The following DTWD2 variants were observed in gnomAD, a reference collection of about 807,000 sequenced individuals.
DTWD2 encodes the protein DTW motif tRNA-uridine aminocarboxypropyltransferase 2, also known as tRNA-uridine aminocarboxypropyltransferase 2.
DTWD2 carries 39 observed loss-of-function variants against 31.8 expected under a neutral mutation model. That is an observed-to-expected ratio of 1.22 (90% confidence interval 0.95 to 1.60). The LOEUF (loss-of-function observed/expected upper bound fraction) is 1.60, where lower values mean the gene tolerates loss of function less well. DTWD2 is among the 40% of genes most tolerant of loss of function. The probability of loss-of-function intolerance (pLI) is 0.00; values close to 1 mark genes in which losing one functional copy is unlikely to be tolerated. For missense variants in DTWD2, 515 were observed against 381.5 expected, an observed-to-expected ratio of 1.35 and a Z score of -2.92; for synonymous variants, 180 against 142.8, an observed-to-expected ratio of 1.26 and a Z score of -1.86.
chr5:118,855,888 C>A (rs1316149930), intron 4 of DTWD2, among the ~76,000 whole-genome samples: 1 of 151,986 alleles, frequency 6.6e-6, no homozygotes, highest in Non-Finnish European at 1.5e-5. Flanking sequence ...TTTTACAACA[C>A]CTTAATTTTC....
At chr5:118,875,772 T>G (rs1459098575) in intron 4 of DTWD2, among the ~76,000 whole-genome samples, 1 of 152,066 alleles carries the variant, frequency 6.6e-6, no homozygotes, top group Non-Finnish European at 1.5e-5. Flanking sequence ...AGTGGAGACT[T>G]TAACACCCCA....
chr5:118,953,227 C>A (rs1754505550), intron 1 of DTWD2, among the ~76,000 whole-genome samples: 1 of 152,122 alleles, frequency 6.6e-6, no homozygotes, highest in Non-Finnish European at 1.5e-5. Context: ...ATGTAAAGAC[C>A]ACAGTTTGAT....
At chr5:118,874,621 G>T (rs140891643) in intron 4 of DTWD2, among the ~76,000 whole-genome samples, 76 of 152,186 alleles carry the variant, frequency 5.0e-4, no homozygotes, top group African/African-American at 1.7e-3. Context: ...AGAGCTTGAA[G>T]ACTGGCTTTC....
chr5:118,925,820 G>C (rs1366742441), intron 4 of DTWD2, among the ~76,000 whole-genome samples: 1 of 151,934 alleles, frequency 6.6e-6, no homozygotes, highest in African/African-American at 2.4e-5. Flanking sequence ...ACTCCAGCCT[G>C]GGTGACAAAG....
At chr5:118,925,415 A>G (rs992823923) in intron 4 of DTWD2, among the ~76,000 whole-genome samples, 3 of 152,254 alleles carry the variant, frequency 2.0e-5, no homozygotes, top group African/African-American at 7.2e-5. Context: ...CACAGAAATC[A>G]TAAACTTATT....
chr5:118,840,233 T>G lies in DTWD2; in HGVS notation c.*684A>C, dbSNP rs1267683410. The G allele has an allele frequency of 6.6e-6, 1 of 152,192 alleles. No individual in the cohort carries two copies. Among genetic ancestry groups the G allele is most frequent in the East Asian group, 1.9e-4 (1 of 5,202 alleles). 9.4% of individuals were successfully genotyped at this position (152,192 alleles called of 1,614,324 possible). On this transcript the variant is annotated 3_prime_UTR_variant, in exon 6 of 6. Coordinates refer to ENST00000510708, the MANE Select transcript of DTWD2 (RefSeq NM_173666.4). ...TATGAAAACATCAATAAAATAAGTTTACCAGAGTCAATAAGCCTGTTCAAT... is the reference window on the plus strand; with the variant it reads ...TATGAAAACATCAATAAAATAAGTTGACCAGAGTCAATAAGCCTGTTCAAT...
chr5:118,846,286 T>G (rs1478664622), intron 5 of DTWD2, among the ~76,000 whole-genome samples: 2 of 152,094 alleles, frequency 1.3e-5, no homozygotes, highest in Admixed American at 1.3e-4. Flanking sequence ...GTAGTAGTAG[T>G]AGTACAAACC....
intron 2 of DTWD2, among the ~76,000 whole-genome samples, chr5:118,940,116 G>C (rs1196066428): frequency 6.6e-6 from 1 of 152,172 alleles, no homozygotes; most frequent in African/African-American, 2.4e-5. Context: ...CTTTAGAGTG[G>C]AGAAATCTGG....
At chr5:118,935,851 T>C (rs1012504553) in intron 3 of DTWD2, among the ~76,000 whole-genome samples, 2 of 152,166 alleles carry the variant, frequency 1.3e-5, no homozygotes, top group Non-Finnish European at 2.9e-5. Flanking sequence ...ATAAAATCAG[T>C]CAAAATACAG....
At chr5:118,958,289 C>T (rs114463499) in intron 1 of DTWD2, among the ~76,000 whole-genome samples, 3,469 of 152,048 alleles carry the variant, frequency 0.023, 55 homozygotes, top group Non-Finnish European at 0.035. Flanking sequence ...TCCGTCTCTA[C>T]CAAAAATACA....
intron 4 of DTWD2, among the ~76,000 whole-genome samples, chr5:118,871,642 G>A (rs926310670): frequency 2.6e-5 from 4 of 152,150 alleles, no homozygotes; most frequent in African/African-American, 4.8e-5. Context: ...TGTCAAAAAG[G>A]AGCTAAAAAT....
chr5:118,850,041 AAAAAT>A (rs903215194), intron 4 of DTWD2, among the ~76,000 whole-genome samples: 4 of 151,996 alleles, frequency 2.6e-5, no homozygotes, highest in Non-Finnish European at 4.4e-5. Flanking sequence ...GAAAATGAAA[AAAAAT>A]AAAATAAAAT....
At chr5:118,874,886 A>C (rs1458352919) in intron 4 of DTWD2, among the ~76,000 whole-genome samples, 1 of 152,160 alleles carries the variant, frequency 6.6e-6, no homozygotes, top group Non-Finnish European at 1.5e-5. Context: ...CTCCATAAGA[A>C]GATCAACCAC....
chr5:118,959,639 A>G (rs1754663900), intron 1 of DTWD2, among the ~76,000 whole-genome samples: 1 of 152,248 alleles, frequency 6.6e-6, no homozygotes, highest in Admixed American at 6.5e-5. Flanking sequence ...AAGAGCCCAA[A>G]TAACAATTGC....
intron 4 of DTWD2, among the ~76,000 whole-genome samples, chr5:118,889,525 G>C (rs1410300517): frequency 6.6e-6 from 1 of 151,784 alleles, no homozygotes; most frequent in Non-Finnish European, 1.5e-5. Flanking sequence ...CTAACACGGG[G>C]GGATATGCAT....
At chr5:118,974,080 T>G in intron 1 of DTWD2, 1 of 1,602,604 alleles carries the variant, frequency 6.2e-7, no homozygotes, top group Non-Finnish European at 8.5e-7. Flanking sequence ...ATGATGAGGA[T>G]GACGATGTCG....
intron 1 of DTWD2, among the ~76,000 whole-genome samples, chr5:118,946,655 T>C (rs1041824175): frequency 6.6e-6 from 1 of 151,258 alleles, no homozygotes; most frequent in African/African-American, 2.4e-5. Flanking sequence ...TGGGGTAGAG[T>C]TTGACTTTGA....
At chr5:118,853,128 G>A (rs193152161) in intron 4 of DTWD2, among the ~76,000 whole-genome samples, 51 of 152,262 alleles carry the variant, frequency 3.3e-4, no homozygotes, top group African/African-American at 1.1e-3. Context: ...CACTACCTGG[G>A]TAACAGTATC....
intron 1 of DTWD2, among the ~76,000 whole-genome samples, chr5:118,976,198 G>C (rs1165496009): frequency 7.2e-5 from 11 of 152,232 alleles, no homozygotes; most frequent in Admixed American, 7.2e-4. Context: ...GCAGCGTTTA[G>C]AGGGAAATTT....
Sources: allele counts gnomAD v4.1 joint callset (sites outside exome capture counted in the v4.1 genomes callset), GRCh38; gene constraint gnomAD v4.1.1; transcripts MANE v1.5; gene names NCBI Gene and HGNC (gene_info 2026-07-23, HGNC 2026-07-21).